Variants in ZNF227 observed in about 807,000 individuals in gnomAD.
The protein encoded by ZNF227 is zinc finger protein 227.
Under a neutral mutation model 13.2 loss-of-function variants are expected in ZNF227, and 12 were observed. That is an observed-to-expected ratio of 0.91 (90% CI 0.58 to 1.47). The LOEUF (loss-of-function observed/expected upper bound fraction) is 1.47. ZNF227 is among the 40% of genes most tolerant of loss of function. The pLI, the probability that ZNF227 is intolerant of heterozygous loss-of-function variation, is 0.00. For synonymous variants in ZNF227, 338 were observed against 326.0 expected (o/e 1.04, Z -0.40); for missense variants, 885 against 967.5 (o/e 0.91, Z 1.13).
upstream of ZNF227, chr19:44,207,559 G>GT (rs1434519734): frequency 1.3e-5 from 2 of 152,240 alleles, no homozygotes; most frequent in African/African-American, 2.4e-5. Context: ...TTGCTGGGAA[G>GT]TTTTTTCGCT....
At chr19:44,214,353 A>G (rs529349403) in intron 2 of ZNF227, among the ~76,000 whole-genome samples, 1 of 151,598 alleles carries the variant, frequency 6.6e-6, no homozygotes, top group African/African-American at 2.4e-5. Flanking sequence ...TTTTTTTCTT[A>G]TTATGAAAAT....
At chr19:44,212,841 G>A (rs968204061) in intron 1 of ZNF227, 1 of 152,206 alleles carries the variant, frequency 6.6e-6, no homozygotes, top group Non-Finnish European at 1.5e-5. Flanking sequence ...AAAGATAGTC[G>A]TTACTGTGTA....
Position 44,236,990 on chromosome 19 carries a change from C to T in ZNF227, c.*160C>T. On this transcript the variant is annotated 3_prime_UTR_variant, in exon 6 of 6. Transcript: ENST00000313040. Reference sequence around the variant, plus strand: ...ATCCATCAAGATGATAACACAGAACCATGAACAGGAATAGAACTCGTATTT... The same window carrying T: ...ATCCATCAAGATGATAACACAGAACTATGAACAGGAATAGAACTCGTATTT... 1 of 611,144 alleles carries T rather than the reference C, an allele frequency of 1.6e-6. No individual in the cohort carries two copies. Among genetic ancestry groups the T allele is most frequent in the Non-Finnish European group, 2.8e-6 (1 of 360,248 alleles). The allele number at this position is 611,144 out of a possible 1,614,324, so 37.9% of individuals were successfully genotyped here.
Position 44,228,696 on chromosome 19 carries a change from T to A in ZNF227, c.187+124T>A, listed in dbSNP as rs1973457968. 8.3e-6 allele frequency: 10 copies of A among 1,211,134 alleles called. No individual in the cohort carries two copies. The East Asian group carries it at 2.8e-4, about 34-fold the overall frequency. The allele number at this position is 1,211,134 out of a possible 1,614,324, so 75.0% of individuals were successfully genotyped here. A position where few individuals can be genotyped will look rare whatever the true frequency, so the allele number is the denominator to read the frequency against. On this transcript the variant is annotated intron_variant, in intron 4 of 5. Transcript: ENST00000313040. Reference sequence around the variant, plus strand: ...CTCTTGAAGACAAAAGGTTTTCTAATCCCTGGGAAAACAGGATAGGTTTTT... The same window carrying A: ...CTCTTGAAGACAAAAGGTTTTCTAAACCCTGGGAAAACAGGATAGGTTTTT...
Position 44,232,661 on chromosome 19 carries a change from CTTGTTTTT to C in ZNF227, c.272-2030_272-2023del, listed in dbSNP as rs929958651. Among the ~76,000 whole-genome samples the C allele has an allele frequency of 1.2e-4, 18 of 151,104 alleles. No homozygotes were observed. The South Asian group carries it at 1.3e-3, about 11-fold the overall frequency. ...TTCATTTAATCATATCTATAAATTG[CTTGTTTTT>C]TTGTTTTTTTTTTTTGTAGACGGAG... On this transcript the variant is annotated intron_variant, in intron 5 of 5. Transcript: ENST00000313040.
intron 5 of ZNF227, among the ~76,000 whole-genome samples, chr19:44,232,016 T>G (rs1973895667): frequency 6.6e-6 from 1 of 152,208 alleles, no homozygotes; most frequent in African/African-American, 2.4e-5. Flanking sequence ...CACTTTCCCA[T>G]TTCCCCTTCC....
chr19:44,236,967 CCAT>C lies in ZNF227; in HGVS notation c.*140_*142del, dbSNP rs1240450579. On this transcript the variant is annotated 3_prime_UTR_variant, in exon 6 of 6. Coordinates refer to ENST00000313040, the MANE Select transcript of ZNF227 (RefSeq NM_182490.3). The stretch of plus-strand genomic sequence containing the variant: ...CACACTTGGAATCTTTCTAACAAAT[CCAT>C]CAAGATGATAACACAGAACCATGAA... The C allele has an allele frequency of 3.0e-6, 2 of 674,618 alleles. No homozygotes were observed. Among genetic ancestry groups the C allele is most frequent in the Non-Finnish European group, 4.9e-6 (2 of 411,246 alleles). 41.8% of individuals were successfully genotyped at this position (674,618 alleles called of 1,614,324 possible). A position where few individuals can be genotyped will look rare whatever the true frequency, so the allele number is the denominator to read the frequency against.
At chr19:44,224,148 T>A (rs1972848545) in intron 3 of ZNF227, among the ~76,000 whole-genome samples, 1 of 152,326 alleles carries the variant, frequency 6.6e-6, no homozygotes, top group Middle Eastern at 3.4e-3. Flanking sequence ...TTGTTATAAT[T>A]TCTGTTCTTT....
intron 3 of ZNF227, among the ~76,000 whole-genome samples, chr19:44,218,070 A>G (rs182030353): frequency 3.8e-4 from 58 of 152,342 alleles, no homozygotes; most frequent in Non-Finnish European, 1.3e-4. Flanking sequence ...GAAATAATCT[A>G]TGCTACTACC....
At chr19:44,229,709 A>G (rs1973584608) in intron 4 of ZNF227, 24 bp from the exon 5 acceptor site, 4 of 1,524,934 alleles carry the variant, frequency 2.6e-6, no homozygotes, top group East Asian at 2.3e-5. Context: ...CATCTTAAAT[A>G]CATAAAAATC....
chr19:44,223,340 T>C (rs1568600642), intron 3 of ZNF227, among the ~76,000 whole-genome samples: 1 of 152,242 alleles, frequency 6.6e-6, no homozygotes, highest in East Asian at 1.9e-4. Flanking sequence ...GAAGGAATGG[T>C]ACCAGCTCCT....
intron 3 of ZNF227, among the ~76,000 whole-genome samples, chr19:44,223,679 C>T (rs1206389125): frequency 2.6e-4 from 39 of 149,234 alleles, no homozygotes; most frequent in Admixed American, 4.0e-4. Context: ...GTCTTGCTAG[C>T]GGTCTATCAA....
rs2122964294 is a variant in ZNF227, at chr19:44,234,759, C to G, written c.329C>G (p.Ser110Ter). 6.2e-7 allele frequency: 1 copy of G among 1,608,296 alleles called. No homozygotes were observed. Among genetic ancestry groups the G allele is most frequent in the Non-Finnish European group, 8.5e-7 (1 of 1,178,674 alleles). Residue 110 changes from serine (S) to a stop codon, truncating the protein, a stop_gained, in exon 6 of 6, where the codon TCA becomes TGA. Transcript: ENST00000313040. LOFTEE classifies it low-confidence loss of function (END_TRUNC). ...TLQKFALKYL[S>*]NQELSCWQIW... The stretch of plus-strand genomic sequence containing the variant: ...CAAAAATTTGCATTAAAATACCTTT[C>G]AAATCAAGAGCTGTCCTGCTGGCAA...
In ZNF227 at chr19:44,230,594, C is replaced by T. The variant is rs139409578; in HGVS notation, c.271+778C>T. Among the ~76,000 whole-genome samples the T allele has an allele frequency of 6.1e-4, 93 of 152,188 alleles. 2 individuals are homozygous for T. The East Asian group carries it at 0.015, about 24-fold the overall frequency. ...TTGCCTTGGTGGAGAGGCTCCCCAG[C>T]ACCTTACTTACTGCACTCAGGTCAT... On this transcript the variant is annotated intron_variant, in intron 5 of 5. Transcript: ENST00000313040.
rs149635223 is a variant in ZNF227 at position 44,229,977 on chromosome 19, A to G, written c.271+161A>G. Among the ~76,000 whole-genome samples the G allele has an allele frequency of 3.8e-3, 572 of 152,094 alleles. 1 individual carries two copies. Among genetic ancestry groups the G allele is most frequent in the African/African-American group, 0.013 (552 of 41,496 alleles). ...TCCCCACCTCCTCCCTTGTGCTCCTATAATCTGCTTTCTAAATGGTAGCCG... is the reference window on the plus strand; with the variant it reads ...TCCCCACCTCCTCCCTTGTGCTCCTGTAATCTGCTTTCTAAATGGTAGCCG... On this transcript the variant is annotated intron_variant, in intron 5 of 5. Coordinates refer to ENST00000313040, the MANE Select transcript of ZNF227 (RefSeq NM_182490.3).
chr19:44,207,801 G>A (rs1971244717), upstream of ZNF227: 1 of 152,290 alleles, frequency 6.6e-6, no homozygotes, highest in African/African-American at 2.4e-5. Context: ...GTTGTCGCTT[G>A]GTTAGAGGGT....
chr19:44,236,688 T>A lies in ZNF227; in HGVS notation c.2258T>A (p.Phe753Tyr). The A allele has an allele frequency of 6.2e-7, 1 of 1,613,968 alleles. No individual in the cohort carries two copies. Among genetic ancestry groups the A allele is most frequent in the Non-Finnish European group, 8.5e-7 (1 of 1,179,982 alleles). Residue 753 changes from phenylalanine to tyrosine, a missense_variant, in exon 6 of 6, where the codon TTC becomes TAC. Phe to Tyr is a conservative substitution (Grantham distance 22). Transcript: ENST00000313040. The part of the protein sequence containing the change: ...LFKCEECGKG[F>Y]SQSARLEAHQ... ...AAATGTGAAGAGTGTGGTAAAGGCT[T>A]CAGTCAGAGTGCACGTCTTGAAGCC...
intron 3 of ZNF227, among the ~76,000 whole-genome samples, chr19:44,226,704 C>T (rs1286600022): frequency 6.6e-6 from 1 of 152,190 alleles, no homozygotes; most frequent in Non-Finnish European, 1.5e-5. Context: ...GGAAAGGGAA[C>T]TCCTTGACCC....
intron 2 of ZNF227, 75 bp from the exon 3 acceptor site, chr19:44,217,716 T>G: frequency 1.3e-6 from 2 of 1,494,298 alleles, no homozygotes; most frequent in East Asian, 2.3e-5. Context: ...TGTAGGGCTA[T>G]TTCTCTAATT....
Sources: allele counts gnomAD v4.1 joint callset (sites outside exome capture counted in the v4.1 genomes callset), GRCh38; gene constraint gnomAD v4.1.1; transcripts MANE v1.5; gene names NCBI Gene and HGNC (gene_info 2026-07-23, HGNC 2026-07-21).